TTC34: variants seen among roughly 807,000 people sequenced by gnomAD.
TTC34 encodes tetratricopeptide repeat domain 34, also known as tetratricopeptide repeat protein 34.
Under a neutral mutation model 40.7 loss-of-function variants are expected in TTC34, and 44 were observed. The observed-to-expected ratio is 1.08, with a 90% CI of 0.85 to 1.39. TTC34 has a LOEUF of 1.39. Among genes scored for constraint, TTC34 ranks in the 40% most tolerant of loss-of-function variants. TTC34 has a pLI of 0.00. For missense variants in TTC34, 884 were observed against 838.0 expected (o/e 1.05, Z -0.68); for synonymous variants, 422 against 398.6 (o/e 1.06, Z -0.70).
chr1:2,798,181 G>C (rs1304631107), intron 2 of TTC34, among the ~76,000 whole-genome samples: 1 of 53,894 alleles, frequency 1.9e-5, no homozygotes, highest in Non-Finnish European at 4.0e-5. Context: ...AGTACCCCCA[G>C]CCTCCCAGCC....
exon 5 of TTC34, chr1:2,785,856 C>A (rs750732768): frequency 6.5e-7 from 1 of 1,545,402 alleles, no homozygotes; most frequent in South Asian, 1.2e-5. Context: ...AGGCGATGGC[C>A]TCCTTGGTGT....
rs541396085 is a variant in TTC34, at chr1:2,700,374, C to G, written c.2227-54811G>C. Among the ~76,000 whole-genome samples, 64 of 118,162 alleles carry G rather than the reference C, an allele frequency of 5.4e-4. 16 individuals carry two copies. The highest frequency in any genetic ancestry group is 2.7e-3 in the Admixed American group (29 of 10,832). The allele number at this position is 118,162 out of a possible 152,430, so 77.5% of individuals were successfully genotyped here. A position where few individuals can be genotyped will look rare whatever the true frequency, so the allele number is the denominator to read the frequency against. Reference sequence around the variant, plus strand: ...GACAGCCTGGAGCAGCGCCCACAACCCCAGGTGAGTATCTGACAGCCTGGA... The same window carrying G: ...GACAGCCTGGAGCAGCGCCCACAACGCCAGGTGAGTATCTGACAGCCTGGA... On this transcript the variant is annotated intron_variant, in intron 6 of 8. Transcript: ENST00000401095.
At chr1:2,771,618 G>C (rs1366496725) in intron 6 of TTC34, among the ~76,000 whole-genome samples, 8 of 28,900 alleles carry the variant, frequency 2.8e-4, no homozygotes, top group Admixed American at 3.5e-4. Context: ...AAGTGAGCAG[G>C]TGACAGCCTG....
intron 6 of TTC34, among the ~76,000 whole-genome samples, chr1:2,683,745 C>T (rs1335760426): frequency 7.0e-6 from 1 of 142,938 alleles, no homozygotes; most frequent in Non-Finnish European, 1.5e-5. Context: ...CCTGGAACAG[C>T]ACCCACACCC....
At chr1:2,641,412 C>T in exon 9 of TTC34, 1 of 1,531,586 alleles carries the variant, frequency 6.5e-7, no homozygotes, top group Non-Finnish European at 8.7e-7. Context: ...CGGATTCTGG[C>T]CTTCAGTCTC....
intron 6 of TTC34, among the ~76,000 whole-genome samples, chr1:2,687,221 G>T (rs1341565461): frequency 6.9e-6 from 1 of 145,048 alleles, no homozygotes; most frequent in African/African-American, 2.8e-5. Context: ...GCGAGCATCC[G>T]ACAGCCTGGA....
At chr1:2,699,521 A>G (rs1269997112) in intron 6 of TTC34, among the ~76,000 whole-genome samples, 20 of 50,232 alleles carry the variant, frequency 4.0e-4, no homozygotes, top group Admixed American at 1.2e-3. Flanking sequence ...ACAGCCTGGA[A>G]CACCACCCAC....
At chr1:2,751,753 G>C (rs1434244544) in intron 6 of TTC34, among the ~76,000 whole-genome samples, 2 of 122,658 alleles carry the variant, frequency 1.6e-5, no homozygotes, top group Non-Finnish European at 3.5e-5. Flanking sequence ...TGACATCGTA[G>C]AGCAGCACCC....
At chr1:2,694,868 A>G (rs1323888719) in intron 6 of TTC34, among the ~76,000 whole-genome samples, 2 of 89,958 alleles carry the variant, frequency 2.2e-5, no homozygotes, top group African/African-American at 3.9e-5. Flanking sequence ...AGCAGCACCC[A>G]CAACCACAGG....
chr1:2,792,903 T>G (rs1355257392), intron 2 of TTC34, among the ~76,000 whole-genome samples: 1 of 152,220 alleles, frequency 6.6e-6, no homozygotes, highest in East Asian at 1.9e-4. Flanking sequence ...ACATCTCACC[T>G]CACACAACAC....
Position 2,789,791 on chromosome 1 carries a change from G to A in TTC34, c.1340C>T (p.Pro447Leu), listed in dbSNP as rs1041659014. The change falls in exon 3 of 9, where the codon CCG becomes CTG. Residue 447 changes from proline (P) to leucine (L), a missense_variant. Pro to Leu is a moderately conservative substitution (Grantham distance 98). Coordinates refer to ENST00000401095, the Ensembl canonical transcript of TTC34. ...CGCGCGCACACAGCCCCCCGGGTGC[G>A]GCGCCCCCTGCTCCACTACCGTCTG... is the stretch of plus-strand genomic sequence containing the variant. 2.4e-5 allele frequency: 12 copies of A among 506,382 alleles called. No individual in the cohort carries two copies. The Middle Eastern group carries it at 2.1e-3, about 87-fold the overall frequency. The allele number at this position is 506,382 out of a possible 1,614,324, so 31.4% of individuals were successfully genotyped here. A position where few individuals can be genotyped will look rare whatever the true frequency, so the allele number is the denominator to read the frequency against.
chr1:2,645,587 GT>G lies in TTC34; in HGVS notation c.2227-25del. The stretch of plus-strand genomic sequence containing the variant: ...TCCTGCAAGGAGGGAGGGCGGGCGG[GT>G]GCAGAGTTGTCCTAAGTAGAGAAAC... On this transcript the variant is annotated intron_variant, in intron 6 of 8. Transcript: ENST00000401095. The surrounding 1 kb of genome is among the most constrained non-coding windows in gnomAD (Gnocchi z 4.7). 1 of 229,534 alleles carries G rather than the reference GT, an allele frequency of 4.4e-6. No individual in the cohort carries two copies. Among genetic ancestry groups the G allele is most frequent in the Non-Finnish European group, 8.6e-6 (1 of 116,456 alleles). The allele number at this position is 229,534 out of a possible 1,614,324, so 14.2% of individuals were successfully genotyped here. A position where few individuals can be genotyped will look rare whatever the true frequency, so the allele number is the denominator to read the frequency against.
Position 2,691,596 on chromosome 1 carries a change from C to A in TTC34, c.2227-46033G>T, listed in dbSNP as rs796243769. ...CAGCACCCACATGCCCAGGTGAGAC[C>A]CTGACAGCCTGGAACAGCACCCTGC... On this transcript the variant is annotated intron_variant, in intron 6 of 8. Coordinates refer to ENST00000401095, the Ensembl canonical transcript of TTC34. 2.8e-4 allele frequency among the ~76,000 whole-genome samples: 11 copies of A among 39,182 alleles called. 2 individuals carry two copies. The South Asian group carries it at 4.3e-3, about 15-fold the overall frequency. The allele number at this position is 39,182 out of a possible 152,430, so 25.7% of individuals were successfully genotyped here. A position where few individuals can be genotyped will look rare whatever the true frequency, so the allele number is the denominator to read the frequency against.
intron 2 of TTC34, among the ~76,000 whole-genome samples, chr1:2,798,193 CT>C (rs1643730636): frequency 2.2e-5 from 2 of 91,620 alleles, no homozygotes; most frequent in South Asian, 7.6e-4. Context: ...CTCCCAGCCT[CT>C]CAGCCCCTCA....
intron 6 of TTC34, among the ~76,000 whole-genome samples, chr1:2,759,595 A>G (rs1641623979): frequency 6.6e-6 from 1 of 152,158 alleles, no homozygotes; most frequent in Non-Finnish European, 1.5e-5. Flanking sequence ...AACAGCACCC[A>G]CACCGCCAGG....
At chr1:2,772,949 C>A (rs1642495958) in intron 6 of TTC34, among the ~76,000 whole-genome samples, 1 of 139,248 alleles carries the variant, frequency 7.2e-6, no homozygotes, top group African/African-American at 2.7e-5. Flanking sequence ...CCCAGGCGAG[C>A]ATCTGACAGC....
At chr1:2,768,252 C>T (rs1435697496) in intron 6 of TTC34, among the ~76,000 whole-genome samples, 1 of 151,928 alleles carries the variant, frequency 6.6e-6, no homozygotes, top group African/African-American at 2.4e-5. Context: ...CCATTCCAGG[C>T]TGCCAGATCC....
chr1:2,750,242 AC>A (rs1641270620), intron 6 of TTC34, among the ~76,000 whole-genome samples: 10 of 146,896 alleles, frequency 6.8e-5, no homozygotes, highest in African/African-American at 7.6e-5. Context: ...CAGCACCCAC[AC>A]CCACAGGTGG....
intron 6 of TTC34, among the ~76,000 whole-genome samples, chr1:2,768,638 C>T (rs1211920224): frequency 2.0e-5 from 3 of 151,878 alleles, no homozygotes; most frequent in East Asian, 3.9e-4. Context: ...GAGCATCCGA[C>T]AGCCTGGAAC....
Sources: allele counts gnomAD v4.1 joint callset (sites outside exome capture counted in the v4.1 genomes callset), GRCh38; gene constraint gnomAD v4.1.1; non-coding constraint Gnocchi (gnomAD v3.1); transcripts MANE v1.5; gene names NCBI Gene and HGNC (gene_info 2026-07-23, HGNC 2026-07-21).